The following TAFA5 variants were observed in gnomAD, a reference collection of about 807,000 sequenced individuals.
TAFA5 encodes the protein chemokine-like protein TAFA-5.
Under a neutral mutation model 15.3 loss-of-function variants are expected in TAFA5, and 6 were observed. The ratio of observed to expected loss-of-function variants is 0.39; its 90% confidence interval spans 0.21 to 0.77. The LOEUF is 0.77. Ranked by LOEUF, TAFA5 falls within the 30% of genes least tolerant of loss-of-function variation. The probability of loss-of-function intolerance (pLI) is 0.41; values close to 1 mark genes in which losing one functional copy is unlikely to be tolerated. For synonymous variants in TAFA5, 103 were observed against 80.7 expected, an observed-to-expected ratio of 1.28 and a Z score of -1.48; for missense variants, 161 against 193.1, an observed-to-expected ratio of 0.83 and a Z score of 0.98.
In TAFA5 at chr22:48,657,501, A is replaced by C. The variant is rs1308047187; in HGVS notation, c.262+10755A>C. On this transcript the variant is annotated intron_variant, in intron 2 of 3. Coordinates refer to ENST00000402357, the MANE Select transcript of TAFA5 (RefSeq NM_001082967.3). The stretch of plus-strand genomic sequence containing the variant: ...TAAAGCTCTTCCAAAAAATAGAAGA[A>C]TAGGGGCCACTTCTTAACTCACTCT... Among the ~76,000 whole-genome samples, 3 of 152,250 alleles carry C rather than the reference A, an allele frequency of 2.0e-5. No individual in the cohort carries two copies. The East Asian group carries it at 5.8e-4, about 29-fold the overall frequency.
intron 1 of TAFA5, among the ~76,000 whole-genome samples, chr22:48,619,099 G>A (rs1342136995): frequency 6.6e-6 from 1 of 152,228 alleles, no homozygotes; most frequent in Non-Finnish European, 1.5e-5. Context: ...CAACCTCCAT[G>A]TCCTGATGTT....
chr22:48,559,072 C>T (rs1002580237), intron 1 of TAFA5, among the ~76,000 whole-genome samples: 1 of 152,196 alleles, frequency 6.6e-6, no homozygotes, highest in Admixed American at 6.5e-5. Context: ...GTGCCCCCTC[C>T]CTCTCACTGC....
intron 2 of TAFA5, among the ~76,000 whole-genome samples, chr22:48,692,292 G>T (rs1928568105): frequency 6.6e-6 from 1 of 152,208 alleles, no homozygotes; most frequent in Admixed American, 6.5e-5. Context: ...TCAGGGGTCC[G>T]CTGCAGCCCT....
At chr22:48,631,189 G>A (rs887804850) in intron 1 of TAFA5, among the ~76,000 whole-genome samples, 1 of 152,188 alleles carries the variant, frequency 6.6e-6, no homozygotes, top group Admixed American at 6.5e-5. Context: ...AGAGGCAGGG[G>A]GCCCTTGGTG....
intron 1 of TAFA5, among the ~76,000 whole-genome samples, chr22:48,588,674 C>T (rs1282478104): frequency 6.6e-6 from 1 of 152,146 alleles, no homozygotes. Context: ...CGATTCGGTG[C>T]CACCTCCCTG....
At chr22:48,578,176 A>G (rs1211910850) in intron 1 of TAFA5, among the ~76,000 whole-genome samples, 1 of 152,064 alleles carries the variant, frequency 6.6e-6, no homozygotes, top group Non-Finnish European at 1.5e-5. Context: ...TGTATGTGAA[A>G]ATTTCAGTGT....
rs374151169 is a variant in TAFA5, at chr22:48,694,921, C to T, written c.263-12796C>T. Among the ~76,000 whole-genome samples the T allele has an allele frequency of 4.0e-5, 6 of 150,452 alleles. No homozygotes were observed. In the South Asian group the frequency reaches 6.3e-4, roughly 16 times the overall value. On this transcript the variant is annotated intron_variant, in intron 2 of 3. Transcript: ENST00000402357. Reference sequence around the variant, plus strand: ...GCTGGGACCACTGGGGAGGTCAGGCCTCAAAGTGCTGCCTCCCATCGGGCA... The same window carrying T: ...GCTGGGACCACTGGGGAGGTCAGGCTTCAAAGTGCTGCCTCCCATCGGGCA...
intron 2 of TAFA5, among the ~76,000 whole-genome samples, chr22:48,662,632 G>GC (rs1237108905): frequency 1.3e-5 from 2 of 152,304 alleles, no homozygotes; most frequent in South Asian, 2.1e-4. Context: ...CATCTGTTCT[G>GC]CCCCCCGGCT....
chr22:48,494,133 G>A (rs571278203), intron 1 of TAFA5, among the ~76,000 whole-genome samples: 5 of 152,298 alleles, frequency 3.3e-5, no homozygotes, highest in African/African-American at 4.8e-5. Context: ...CGACATGCTC[G>A]GAATGAAATA....
intron 2 of TAFA5, among the ~76,000 whole-genome samples, chr22:48,651,389 G>A (rs1288887364): frequency 6.6e-6 from 1 of 152,248 alleles, no homozygotes; most frequent in Non-Finnish European, 1.5e-5. Flanking sequence ...TGGGGAGGCT[G>A]TGCCCAGGAA....
intron 3 of TAFA5, among the ~76,000 whole-genome samples, chr22:48,746,446 A>G (rs1011047768): frequency 2.6e-5 from 4 of 152,024 alleles, no homozygotes; most frequent in South Asian, 2.1e-4. Context: ...GTGAGCTGCA[A>G]TCGCACCACT....
At chr22:48,714,593 G>A (rs1929347950) in intron 3 of TAFA5, among the ~76,000 whole-genome samples, 3 of 152,194 alleles carry the variant, frequency 2.0e-5, no homozygotes, top group African/African-American at 7.2e-5. Context: ...ACACAGCCAA[G>A]CATGGCAGGA....
intron 3 of TAFA5, among the ~76,000 whole-genome samples, chr22:48,745,111 C>A (rs1930289159): frequency 6.6e-6 from 1 of 152,238 alleles, no homozygotes; most frequent in Non-Finnish European, 1.5e-5. Context: ...GTCTCAGCAG[C>A]CCTGAGCCCT....
intron 1 of TAFA5, among the ~76,000 whole-genome samples, chr22:48,494,431 A>G (rs1024531458): frequency 2.0e-5 from 3 of 152,216 alleles, no homozygotes; most frequent in African/African-American, 7.2e-5. Flanking sequence ...AAGGAGGACC[A>G]GAATCTGATC....
At chr22:48,696,456 T>C (rs571104131) in intron 2 of TAFA5, among the ~76,000 whole-genome samples, 2 of 152,182 alleles carry the variant, frequency 1.3e-5, no homozygotes, top group South Asian at 4.2e-4. Flanking sequence ...GGCCCCTGAG[T>C]GCCCTGCCCA....
In TAFA5 at chr22:48,567,071, C is replaced by G. The variant is rs559738350; in HGVS notation, c.112+77367C>G. Among the ~76,000 whole-genome samples the G allele has an allele frequency of 1.5e-3, 227 of 152,322 alleles. 1 individual carries two copies. Among genetic ancestry groups the G allele is most frequent in the Non-Finnish European group, 2.2e-3 (147 of 68,014 alleles). ...TTCTCCACACGGGCAGGTGCTGCTT[C>G]GGGGCATTTTCTGAAGAATAGAACT... is the stretch of plus-strand genomic sequence containing the variant. On this transcript the variant is annotated intron_variant, in intron 1 of 3. Coordinates refer to ENST00000402357, the MANE Select transcript of TAFA5 (RefSeq NM_001082967.3).
intron 3 of TAFA5, among the ~76,000 whole-genome samples, chr22:48,737,634 G>C (rs1208317418): frequency 6.6e-6 from 1 of 152,258 alleles, no homozygotes; most frequent in African/African-American, 2.4e-5. Context: ...AAGGTTGGAA[G>C]TGGCAGAGCC....
intron 2 of TAFA5, among the ~76,000 whole-genome samples, chr22:48,674,032 C>T (rs74414231): frequency 9.8e-5 from 14 of 142,910 alleles, no homozygotes; most frequent in East Asian, 4.1e-4. Flanking sequence ...GACTCCTCTT[C>T]GCCCGCCTCA....
intron 1 of TAFA5, among the ~76,000 whole-genome samples, chr22:48,536,147 A>G (rs982031493): frequency 6.6e-6 from 1 of 152,210 alleles, no homozygotes; most frequent in African/African-American, 2.4e-5. Flanking sequence ...AAGTGTCCAT[A>G]TGTAGGTGTG....
Sources: allele counts gnomAD v4.1 joint callset (sites outside exome capture counted in the v4.1 genomes callset), GRCh38; gene constraint gnomAD v4.1.1; transcripts MANE v1.5; gene names NCBI Gene and HGNC (gene_info 2026-07-23, HGNC 2026-07-21).